The following C10orf67 variants were observed in gnomAD, a reference collection of about 807,000 sequenced individuals.
C10orf67 encodes uncharacterized protein C10orf67, mitochondrial.
In C10orf67, 60 loss-of-function variants were observed where a neutral mutation model predicts 35.6. That is an observed-to-expected ratio of 1.68 (90% CI 1.37 to 2.09). The LOEUF (loss-of-function observed/expected upper bound fraction) is 2.09. C10orf67 is among the 30% of genes most tolerant of loss of function. C10orf67 has a pLI of 0.00. For synonymous variants in C10orf67, 167 were observed against 115.8 expected (o/e 1.44, Z -2.84); for missense variants, 474 against 330.2 (o/e 1.44, Z -3.38).
chr10:23,214,937 C>G lies in C10orf67; in HGVS notation c.1570+8661G>C, dbSNP rs566836311. The stretch of plus-strand genomic sequence containing the variant: ...ACTTGGGAGGCTGAAGCAGGAGAGT[C>G]ACTTGAACCTGGGAGGCGGAGATTG... On this transcript the variant is annotated intron_variant, in intron 15 of 15. Transcript: ENST00000636213. 2.6e-5 allele frequency among the ~76,000 whole-genome samples: 4 copies of G among 152,222 alleles called. No homozygotes were observed. The South Asian group carries it at 8.3e-4, about 32-fold the overall frequency.
chr10:23,282,766 G>A (rs1048072861), intron 7 of C10orf67, among the ~76,000 whole-genome samples: 2 of 152,194 alleles, frequency 1.3e-5, no homozygotes, highest in African/African-American at 4.8e-5. Flanking sequence ...AGGAATTTAA[G>A]GCTGCAATGA....
intron 10 of C10orf67, among the ~76,000 whole-genome samples, chr10:23,256,012 T>A (rs547026564): frequency 1.3e-5 from 2 of 152,048 alleles, no homozygotes; most frequent in Non-Finnish European, 2.9e-5. Context: ...GTTTTGTGAG[T>A]TTTTTTCTTC....
chr10:23,221,301 G>A (rs762284982), intron 15 of C10orf67, among the ~76,000 whole-genome samples: 1 of 152,124 alleles, frequency 6.6e-6, no homozygotes, highest in Non-Finnish European at 1.5e-5. Flanking sequence ...TTACTAGCAT[G>A]AGAAGAGTAA....
At chr10:23,291,823 C>T (rs556344396) in intron 5 of C10orf67, among the ~76,000 whole-genome samples, 1 of 152,214 alleles carries the variant, frequency 6.6e-6, no homozygotes, top group African/African-American at 2.4e-5. Flanking sequence ...CCATCAGGCA[C>T]ACGGATATCC....
At chr10:23,309,940 G>T (rs574601398) in intron 4 of C10orf67, among the ~76,000 whole-genome samples, 1 of 152,208 alleles carries the variant, frequency 6.6e-6, no homozygotes, top group Non-Finnish European at 1.5e-5. Context: ...AATCCACCTG[G>T]AGGGATTTAC....
In C10orf67 at chr10:23,250,524, T is replaced by C. The variant is rs1564471768; in HGVS notation, c.1281-4A>G. On this transcript the variant is annotated splice_region_variant and splice_polypyrimidine_tract_variant and intron_variant, in intron 11 of 15. Transcript: ENST00000636213. ...TCGATCAGCTTCCTTCCTAAACCTATAAAAAATTTACAGATGGTTAAATAT... is the reference window on the plus strand; with the variant it reads ...TCGATCAGCTTCCTTCCTAAACCTACAAAAAATTTACAGATGGTTAAATAT... The C allele has an allele frequency of 1.3e-5, 5 of 398,484 alleles. No individual in the cohort carries two copies. The East Asian group carries it at 1.8e-4, about 14-fold the overall frequency. 24.7% of individuals were successfully genotyped at this position (398,484 alleles called of 1,614,324 possible). A position where few individuals can be genotyped will look rare whatever the true frequency, so the allele number is the denominator to read the frequency against.
rs1480434320 is a variant in C10orf67 at position 23,203,731 on chromosome 10, T to G, written c.*442A>C. ...GAGGAAATGTACGATCTCCCTGTAG[T>G]CTTCATGACCTACCTTCATGGGGAC... On this transcript the variant is annotated 3_prime_UTR_variant, in exon 16 of 16. Coordinates refer to ENST00000636213, the MANE Select transcript of C10orf67 (RefSeq NM_001371909.1). The G allele has an allele frequency of 6.5e-6, 1 of 153,062 alleles. No homozygotes were observed. Among genetic ancestry groups the G allele is most frequent in the Non-Finnish European group, 1.5e-5 (1 of 68,636 alleles). The allele number at this position is 153,062 out of a possible 1,614,324, so 9.5% of individuals were successfully genotyped here.
At chr10:23,261,724 C>T (rs113733416) in intron 10 of C10orf67, among the ~76,000 whole-genome samples, 344 of 152,168 alleles carry the variant, frequency 2.3e-3, no homozygotes, top group African/African-American at 7.4e-3. Flanking sequence ...ATATATCAAC[C>T]TGGTGAGATG....
At chr10:23,239,089 G>A (rs899603115) in intron 13 of C10orf67, among the ~76,000 whole-genome samples, 27 of 151,900 alleles carry the variant, frequency 1.8e-4, no homozygotes, top group Admixed American at 1.5e-3. Context: ...CCACAAACCC[G>A]ACTTGTCCTC....
chr10:23,243,920 C>T (rs1397324380), intron 12 of C10orf67, among the ~76,000 whole-genome samples: 1 of 152,062 alleles, frequency 6.6e-6, no homozygotes, highest in Non-Finnish European at 1.5e-5. Flanking sequence ...GAGAAAAGGT[C>T]CCACTCTGTC....
chr10:23,322,692 G>A lies in C10orf67; in HGVS notation c.328-155C>T, dbSNP rs1002271018. On this transcript the variant is annotated intron_variant, in intron 2 of 15. Coordinates refer to ENST00000636213, the MANE Select transcript of C10orf67 (RefSeq NM_001371909.1). The stretch of plus-strand genomic sequence containing the variant: ...CTGGGGCCTACTTACGGTGGTGAGC[G>A]GGAGGAGGGAGAGGATCAGGGAAAA... Among the ~76,000 whole-genome samples the A allele has an allele frequency of 4.6e-5, 7 of 152,120 alleles. No individual in the cohort carries two copies. In the South Asian group the frequency reaches 8.3e-4, roughly 18 times the overall value.
chr10:23,259,245 A>G (rs1423062578), intron 10 of C10orf67, among the ~76,000 whole-genome samples: 1 of 152,210 alleles, frequency 6.6e-6, no homozygotes, highest in Non-Finnish European at 1.5e-5. Context: ...TGTCCTTCGT[A>G]TATCAAGCTA....
At chr10:23,296,480 T>C (rs1295118661) in intron 5 of C10orf67, among the ~76,000 whole-genome samples, 1 of 152,188 alleles carries the variant, frequency 6.6e-6, no homozygotes, top group Non-Finnish European at 1.5e-5. Context: ...CCAGCTAGGC[T>C]TAGGGATTCT....
chr10:23,225,488 C>T (rs534798015), intron 13 of C10orf67, among the ~76,000 whole-genome samples: 1 of 152,284 alleles, frequency 6.6e-6, no homozygotes, highest in African/African-American at 2.4e-5. Context: ...CAGCTAACAT[C>T]ATAATGACAG....
chr10:23,316,339 G>T (rs1228052816), intron 4 of C10orf67, among the ~76,000 whole-genome samples: 1 of 152,200 alleles, frequency 6.6e-6, no homozygotes, highest in Non-Finnish European at 1.5e-5. Flanking sequence ...AGTGGCACCT[G>T]GAAGCTTGGA....
chr10:23,279,249 T>G (rs1482408607), intron 8 of C10orf67, among the ~76,000 whole-genome samples: 1 of 152,218 alleles, frequency 6.6e-6, no homozygotes, highest in Non-Finnish European at 1.5e-5. Flanking sequence ...CTGCCTTCCA[T>G]GGCATACAGG....
chr10:23,210,124 T>G (rs750050676), intron 15 of C10orf67, among the ~76,000 whole-genome samples: 2 of 151,302 alleles, frequency 1.3e-5, no homozygotes, highest in African/African-American at 2.4e-5. Context: ...GGTGACCCAG[T>G]GGATGGCAGT....
In C10orf67 at chr10:23,293,235, G is replaced by T. The variant is rs370411693; in HGVS notation, c.703-1956C>A. ...GAATCTCTTTGTATGAAAGCAGGAC[G>T]CAAGGAAAACACATTAAATACGGGG... On this transcript the variant is annotated intron_variant, in intron 5 of 15. Transcript: ENST00000636213. Among the ~76,000 whole-genome samples the T allele has an allele frequency of 7.2e-5, 11 of 152,192 alleles. No individual in the cohort carries two copies. In the East Asian group the frequency reaches 1.7e-3, roughly 24 times the overall value.
intron 1 of C10orf67, among the ~76,000 whole-genome samples, chr10:23,336,899 G>T (rs979493019): frequency 6.6e-6 from 1 of 152,114 alleles, no homozygotes; most frequent in Non-Finnish European, 1.5e-5. Flanking sequence ...TGGAATAAAA[G>T]TATATAAAAT....
Sources: gnomAD v4.1 joint callset for allele counts (sites outside exome capture counted in the v4.1 genomes callset) on GRCh38, gnomAD v4.1.1 for gene constraint, MANE v1.5 for transcripts, NCBI Gene and HGNC (gene_info 2026-07-23, HGNC 2026-07-21) for gene names.